The following CADPS2 variants were observed in gnomAD, a reference collection of about 807,000 sequenced individuals.
The protein encoded by CADPS2 is calcium dependent secretion activator 2.
A neutral mutation model predicts 172.5 loss-of-function variants in CADPS2; 93 were observed. The ratio of observed to expected loss-of-function variants is 0.54; its 90% CI spans 0.46 to 0.64. CADPS2 has a LOEUF of 0.64. Among genes scored for constraint, CADPS2 ranks in the 30% least tolerant of loss-of-function variants. CADPS2 has a pLI of 0.00. For synonymous variants in CADPS2, 546 were observed against 555.2 expected, an observed-to-expected ratio of 0.98 and a Z score of 0.23; for missense variants, 1,420 against 1,565.9, an observed-to-expected ratio of 0.91 and a Z score of 1.57.
At chr7:122,670,574 T>C (rs1307716383) in intron 2 of CADPS2, among the ~76,000 whole-genome samples, 2 of 151,582 alleles carry the variant, frequency 1.3e-5, no homozygotes, top group Non-Finnish European at 2.9e-5. Context: ...CTCAGCTCAC[T>C]GCAACCTCTG....
At chr7:122,588,209 A>G (rs1241986132) in intron 6 of CADPS2, among the ~76,000 whole-genome samples, 2 of 151,720 alleles carry the variant, frequency 1.3e-5, no homozygotes, top group Non-Finnish European at 2.9e-5. Context: ...GAAGCTCTTT[A>G]GTTTAATTAG....
At chr7:122,474,922 C>T (rs1253164660) in intron 12 of CADPS2, among the ~76,000 whole-genome samples, 1 of 152,096 alleles carries the variant, frequency 6.6e-6, no homozygotes, top group African/African-American at 2.4e-5. Flanking sequence ...CAAACTAGGG[C>T]AGAATTGAAC....
intron 11 of CADPS2, among the ~76,000 whole-genome samples, chr7:122,488,907 C>T (rs1277053458): frequency 6.6e-6 from 1 of 152,146 alleles, no homozygotes; most frequent in Admixed American, 6.6e-5. Context: ...ATCTGCTGTG[C>T]CATACTCTAT....
chr7:122,836,783 C>T (rs1808593104), intron 1 of CADPS2, among the ~76,000 whole-genome samples: 2 of 152,034 alleles, frequency 1.3e-5, no homozygotes, highest in African/African-American at 2.4e-5. Context: ...TAAAGCAAGG[C>T]CTTAGAGATC....
intron 1 of CADPS2, among the ~76,000 whole-genome samples, chr7:122,740,502 A>C (rs2092406417): frequency 6.6e-6 from 1 of 152,156 alleles, no homozygotes; most frequent in Non-Finnish European, 1.5e-5. Context: ...GACAAGGCAA[A>C]GCTATGGAGA....
chr7:122,490,016 G>A (rs1271938712), intron 11 of CADPS2, 65 bp downstream of exon 11: 5 of 1,348,590 alleles, frequency 3.7e-6, no homozygotes, highest in African/African-American at 2.9e-5. Flanking sequence ...GAATACATTT[G>A]CCTCAATTTT....
chr7:122,518,252 T>A (rs1388273227), intron 8 of CADPS2, among the ~76,000 whole-genome samples: 1 of 152,040 alleles, frequency 6.6e-6, no homozygotes, highest in East Asian at 1.9e-4. Context: ...TATAACTTGA[T>A]CTTTAATGAT....
chr7:122,381,290 T>C (rs190923242), intron 24 of CADPS2, among the ~76,000 whole-genome samples: 54 of 152,224 alleles, frequency 3.5e-4, no homozygotes, highest in Admixed American at 2.7e-3. Context: ...GGAAATTAAA[T>C]GCCACGTGAT....
At chr7:122,546,056 A>G (rs2063586012) in intron 8 of CADPS2, among the ~76,000 whole-genome samples, 1 of 152,160 alleles carries the variant, frequency 6.6e-6, no homozygotes, top group South Asian at 2.1e-4. Flanking sequence ...TACTAACCTT[A>G]AGGATATAAA....
At chr7:122,354,771 C>CT (rs1563134066) in intron 27 of CADPS2, among the ~76,000 whole-genome samples, 2 of 152,092 alleles carry the variant, frequency 1.3e-5, no homozygotes. Flanking sequence ...CTTTCTCACT[C>CT]TTTTTTCAAA....
chr7:122,679,036 T>C (rs1409474548), intron 2 of CADPS2, among the ~76,000 whole-genome samples: 1 of 152,098 alleles, frequency 6.6e-6, no homozygotes, highest in Non-Finnish European at 1.5e-5. Context: ...CACAAATTGT[T>C]CGTAAAGCAT....
intron 2 of CADPS2, among the ~76,000 whole-genome samples, chr7:122,728,009 A>G (rs991145895): frequency 1.3e-5 from 2 of 151,878 alleles, no homozygotes; most frequent in Non-Finnish European, 2.9e-5. Flanking sequence ...CAGCCTGCCA[A>G]TCTTGGTTTA....
intron 9 of CADPS2, among the ~76,000 whole-genome samples, chr7:122,495,269 T>G (rs1422413307): frequency 6.6e-6 from 1 of 152,174 alleles, no homozygotes; most frequent in Non-Finnish European, 1.5e-5. Flanking sequence ...ACAGATTCAA[T>G]TAATGCCTAT....
intron 28 of CADPS2, among the ~76,000 whole-genome samples, chr7:122,344,534 C>A (rs1563109921): frequency 6.6e-6 from 1 of 151,926 alleles, no homozygotes; most frequent in Non-Finnish European, 1.5e-5. Context: ...GACCTTAGTG[C>A]TGATAAAACT....
intron 1 of CADPS2, among the ~76,000 whole-genome samples, chr7:122,744,095 G>T (rs2092616619): frequency 6.6e-6 from 1 of 152,224 alleles, no homozygotes. Context: ...AGACCAACCA[G>T]ATGCAAGCAA....
At chr7:122,810,075 T>C (rs768921078) in intron 1 of CADPS2, among the ~76,000 whole-genome samples, 3 of 152,104 alleles carry the variant, frequency 2.0e-5, no homozygotes, top group Admixed American at 6.6e-5. Context: ...CTGATTAAAT[T>C]TGTTTACTCT....
intron 2 of CADPS2, among the ~76,000 whole-genome samples, chr7:122,689,098 A>G (rs2083996159): frequency 6.6e-6 from 1 of 152,130 alleles, no homozygotes; most frequent in Non-Finnish European, 1.5e-5. Flanking sequence ...ATAAGGAGCA[A>G]CAACATACTA....
At chr7:122,339,347 G>A (rs1000907659) in intron 28 of CADPS2, among the ~76,000 whole-genome samples, 1 of 151,812 alleles carries the variant, frequency 6.6e-6, no homozygotes. Flanking sequence ...ATATAACCAA[G>A]TGTATTGTGA....
chr7:122,766,895 C>T (rs745841212), intron 1 of CADPS2, among the ~76,000 whole-genome samples: 1 of 152,150 alleles, frequency 6.6e-6, no homozygotes, highest in Non-Finnish European at 1.5e-5. Flanking sequence ...TTCTTCAAAG[C>T]TGTATTTCCT....
Sources: gnomAD v4.1 joint callset for allele counts (sites outside exome capture counted in the v4.1 genomes callset) on GRCh38, gnomAD v4.1.1 for gene constraint, MANE v1.5 for transcripts, NCBI Gene and HGNC (gene_info 2026-07-23, HGNC 2026-07-21) for gene names.